STAU2: variants seen among roughly 807,000 people sequenced by gnomAD.
STAU2 encodes double-stranded RNA-binding protein Staufen homolog 2.
In STAU2, 20 loss-of-function variants were observed where a neutral mutation model predicts 65.9. The ratio of observed to expected loss-of-function variants is 0.30; its 90% confidence interval spans 0.21 to 0.44. The LOEUF (loss-of-function observed/expected upper bound fraction) is 0.44, where lower values mean the gene tolerates loss of function less well. Ranked by LOEUF, STAU2 falls within the 20% of genes least tolerant of loss-of-function variation. STAU2 has a pLI of 1.00. For synonymous variants in STAU2, 232 were observed against 233.9 expected (o/e 0.99, Z 0.07); for missense variants, 558 against 683.9 (o/e 0.82, Z 2.05).
intron 4 of STAU2, among the ~76,000 whole-genome samples, chr8:73,707,410 G>A (rs958898947): frequency 1.3e-5 from 2 of 152,188 alleles, no homozygotes; most frequent in Non-Finnish European, 2.9e-5. Context: ...ATAGGCATGA[G>A]TGGCTGAAGG....
At chr8:73,659,837 A>G (rs1362793065) in intron 6 of STAU2, among the ~76,000 whole-genome samples, 3 of 152,232 alleles carry the variant, frequency 2.0e-5, no homozygotes, top group Non-Finnish European at 4.4e-5. Context: ...CCCTTGTTGT[A>G]AAAACATTAC....
Position 73,552,286 on chromosome 8 carries a change from A to G in STAU2, c.1256T>C (p.Val419Ala). The G allele has an allele frequency of 1.2e-6, 2 of 1,613,268 alleles. No homozygotes were observed. The highest frequency in any genetic ancestry group is 1.1e-5 in the South Asian group (1 of 90,948). Residue 419 changes from valine to alanine, a missense_variant, in exon 13 of 15, where the codon GTT becomes GCT. Physicochemically the swap from Val to Ala is moderately conservative, Grantham distance 64. Around this residue, in one of 3 missense-constraint regions of STAU2, gnomAD observed 247 missense variants for 270.1 expected, o/e 0.91. Transcript: ENST00000524300. ...GCGGCTGGCTTCCATCTCTTGATAA[A>G]CATCAGGAGACAAATGAAGAATTCC... ...PKGILHLSPDVYQEMEASRHK... is the reference protein window; with the variant it reads ...PKGILHLSPDAYQEMEASRHK...
At chr8:73,611,100 T>A (rs1362358902) in intron 9 of STAU2, among the ~76,000 whole-genome samples, 1 of 152,156 alleles carries the variant, frequency 6.6e-6, no homozygotes, top group African/African-American at 2.4e-5. Flanking sequence ...TTCCATTGAG[T>A]GTAACAAACT....
intron 5 of STAU2, among the ~76,000 whole-genome samples, chr8:73,681,743 A>G (rs930751157): frequency 1.3e-5 from 2 of 152,138 alleles, no homozygotes; most frequent in Non-Finnish European, 2.9e-5. Context: ...CACCTAACAC[A>G]TAAGGACTCA....
At chr8:73,604,991 AG>A (rs1475159969) in intron 9 of STAU2, among the ~76,000 whole-genome samples, 2 of 152,132 alleles carry the variant, frequency 1.3e-5, no homozygotes, top group Non-Finnish European at 2.9e-5. Flanking sequence ...TATTTGAAAT[AG>A]GAAAAAAAAA....
chr8:73,492,051 C>CA (rs1467025359), intron 13 of STAU2, among the ~76,000 whole-genome samples: 4 of 151,766 alleles, frequency 2.6e-5, no homozygotes, highest in Non-Finnish European at 4.4e-5. Context: ...TCCTTCCCCA[C>CA]ACCACCAAGA....
chr8:73,735,178 G>A (rs1806347389), intron 3 of STAU2, among the ~76,000 whole-genome samples: 1 of 152,118 alleles, frequency 6.6e-6, no homozygotes, highest in South Asian at 2.1e-4. Flanking sequence ...CAATCCTCCT[G>A]CTTCAGCCTC....
At chr8:73,695,767 A>G (rs576278973) in intron 4 of STAU2, among the ~76,000 whole-genome samples, 2 of 152,280 alleles carry the variant, frequency 1.3e-5, no homozygotes, top group South Asian at 2.1e-4. Flanking sequence ...TGGCCACACA[A>G]GGAGAGGTTC....
intron 12 of STAU2, among the ~76,000 whole-genome samples, chr8:73,564,450 C>G (rs1808452268): frequency 6.6e-6 from 1 of 151,994 alleles, no homozygotes; most frequent in African/African-American, 2.4e-5. Flanking sequence ...ACCACATGAA[C>G]ACATAGAGGG....
intron 13 of STAU2, chr8:73,440,554 C>T (rs932826354): frequency 1.3e-5 from 2 of 152,180 alleles, no homozygotes; most frequent in African/African-American, 4.8e-5. Flanking sequence ...GAAATGTACT[C>T]GGAGGCTACT....
chr8:73,590,123 G>C (rs1267812102), intron 11 of STAU2, among the ~76,000 whole-genome samples: 4 of 139,802 alleles, frequency 2.9e-5, no homozygotes, highest in African/African-American at 1.1e-4. Flanking sequence ...AAGAAAAAAC[G>C]AGAGAAGAAA....
At chr8:73,600,138 TA>T (rs1315944825) in intron 10 of STAU2, among the ~76,000 whole-genome samples, 2 of 152,094 alleles carry the variant, frequency 1.3e-5, no homozygotes, top group African/African-American at 4.8e-5. Flanking sequence ...AACAAAATGG[TA>T]AGAAAATACA....
intron 13 of STAU2, among the ~76,000 whole-genome samples, chr8:73,481,300 G>A (rs1820603236): frequency 6.6e-6 from 1 of 151,968 alleles, no homozygotes; most frequent in Admixed American, 6.6e-5. Context: ...CAAAGCCAGA[G>A]TCTAAGGAAA....
intron 3 of STAU2, among the ~76,000 whole-genome samples, chr8:73,734,449 G>C (rs1806287713): frequency 6.6e-6 from 1 of 152,044 alleles, no homozygotes; most frequent in African/African-American, 2.4e-5. Context: ...ATATTCAATA[G>C]CCTAGTTTTT....
chr8:73,531,906 G>T (rs145751061), intron 13 of STAU2, among the ~76,000 whole-genome samples: 25 of 152,244 alleles, frequency 1.6e-4, no homozygotes, highest in Admixed American at 1.4e-3. Flanking sequence ...TGATTTTGAT[G>T]AAAGAAAAAT....
At chr8:73,649,649 T>C (rs1481117463) in intron 6 of STAU2, among the ~76,000 whole-genome samples, 1 of 151,870 alleles carries the variant, frequency 6.6e-6, no homozygotes, top group South Asian at 2.1e-4. Context: ...TACTGCTCAC[T>C]AAGCTTCTTT....
At chr8:73,655,717 C>T (rs1161898460) in intron 6 of STAU2, among the ~76,000 whole-genome samples, 3 of 137,264 alleles carry the variant, frequency 2.2e-5, no homozygotes, top group South Asian at 2.2e-4. Context: ...GGCGCGATCT[C>T]GGCTCACTGC....
At chr8:73,490,402 T>C (rs767836945) in intron 13 of STAU2, among the ~76,000 whole-genome samples, 11 of 152,008 alleles carry the variant, frequency 7.2e-5, no homozygotes, top group Non-Finnish European at 1.0e-4. Flanking sequence ...ATTCTTTGCA[T>C]GTAATGAAAT....
rs1023223405 is a variant in STAU2 at position 73,512,543 on chromosome 8, T to G, written c.1530+39469A>C. Among the ~76,000 whole-genome samples the G allele has an allele frequency of 3.3e-5, 5 of 152,218 alleles. No individual in the cohort carries two copies. The East Asian group carries it at 5.8e-4, about 18-fold the overall frequency. ...AAATGGTCTTAATTTCATTTTTGGT[T>G]TTTTTTTACCAGTATATAGAAATAC... On this transcript the variant is annotated intron_variant, in intron 13 of 14. Coordinates refer to ENST00000524300, the MANE Select transcript of STAU2 (RefSeq NM_001164380.2).
Sources: gnomAD v4.1 joint callset for allele counts (sites outside exome capture counted in the v4.1 genomes callset) on GRCh38, gnomAD v4.1.1 for gene constraint, gnomAD v4.1.1 regional missense constraint, MANE v1.5 for transcripts, NCBI Gene and HGNC (gene_info 2026-07-23, HGNC 2026-07-21) for gene names.